CD9: variants seen among roughly 807,000 people sequenced by gnomAD.
CD9 encodes CD9 molecule.
CD9 carries 10 observed loss-of-function variants against 31.4 expected under a neutral mutation model. That is an observed-to-expected ratio of 0.32 (90% CI 0.20 to 0.54). The LOEUF is 0.54. Ranked by LOEUF, CD9 falls within the 20% of genes least tolerant of loss-of-function variation. CD9 has a pLI of 0.94. For synonymous variants in CD9, 113 were observed against 114.1 expected (o/e 0.99, Z 0.06); for missense variants, 259 against 300.1 (o/e 0.86, Z 1.01).
chr12:6,220,402 C>A (rs116587566), intron 1 of CD9, among the ~76,000 whole-genome samples: 140 of 152,240 alleles, frequency 9.2e-4, no homozygotes, highest in African/African-American at 3.3e-3. Context: ...TTAAGACTCA[C>A]CACCCCTTTC....
chr12:6,237,965 T>C lies in CD9; in HGVS notation c.*137T>C. The stretch of plus-strand genomic sequence containing the variant: ...TTAGTATTCATTCTGCATTGCTAGA[T>C]AAAAGCTGAAGTTACTTTATGTTTG... On this transcript the variant is annotated 3_prime_UTR_variant, in exon 8 of 8. Transcript: ENST00000009180. 2 of 595,978 alleles carry C rather than the reference T, an allele frequency of 3.4e-6. No homozygotes were observed. The highest frequency in any genetic ancestry group is 3.0e-6 in the Non-Finnish European group (1 of 330,640). 36.9% of individuals were successfully genotyped at this position (595,978 alleles called of 1,614,324 possible). A position where few individuals can be genotyped will look rare whatever the true frequency, so the allele number is the denominator to read the frequency against.
chr12:6,212,191 G>A (rs1946200530), intron 1 of CD9, among the ~76,000 whole-genome samples: 1 of 152,172 alleles, frequency 6.6e-6, no homozygotes, highest in Non-Finnish European at 1.5e-5. Context: ...CACCGTCAGA[G>A]GAAGAGTGCT....
chr12:6,205,144 C>G (rs560376445), intron 1 of CD9, among the ~76,000 whole-genome samples: 1 of 152,218 alleles, frequency 6.6e-6, no homozygotes, highest in Non-Finnish European at 1.5e-5. Flanking sequence ...ACCTCCAGTG[C>G]CCAGACAGCC....
In CD9 at chr12:6,233,502, G is replaced by A. The variant is rs937809042; in HGVS notation, c.348+16G>A. On this transcript the variant is annotated intron_variant, in intron 4 of 7. Transcript: ENST00000009180. ...CAAGGATGAGGTAGGTTTTTCCCAT[G>A]AGATCTCTTGGGTTTGGGAGTTGGG... 1.2e-6 allele frequency: 2 copies of A among 1,600,322 alleles called. No homozygotes were observed. The highest frequency in any genetic ancestry group is 1.7e-6 in the Non-Finnish European group (2 of 1,167,454).
chr12:6,213,473 A>G (rs1946212438), intron 1 of CD9, among the ~76,000 whole-genome samples: 1 of 152,228 alleles, frequency 6.6e-6, no homozygotes, highest in Non-Finnish European at 1.5e-5. Flanking sequence ...CCATTGGCAG[A>G]GACTCGCTTT....
chr12:6,202,999 C>G (rs965746725), intron 1 of CD9, among the ~76,000 whole-genome samples: 2 of 152,116 alleles, frequency 1.3e-5, no homozygotes, highest in Non-Finnish European at 2.9e-5. Context: ...ATCTGGGTCC[C>G]TGTGGAGATG....
intron 6 of CD9, 51 bp from the exon 7 acceptor site, chr12:6,236,141 C>T (rs772466748): frequency 6.2e-7 from 1 of 1,608,094 alleles, no homozygotes. Context: ...GGAGGAGGTG[C>T]CCTGGGAGGA....
intron 1 of CD9, among the ~76,000 whole-genome samples, chr12:6,207,274 G>A (rs1462657583): frequency 6.6e-6 from 1 of 152,188 alleles, no homozygotes; most frequent in East Asian, 1.9e-4. Context: ...TCTGCCATAA[G>A]AAGCAGGTTG....
Position 6,232,329 on chromosome 12 carries a change from TC to T in CD9, c.176-300del. The T allele has an allele frequency of 2.1e-6, 1 of 466,248 alleles. No individual in the cohort carries two copies. Among genetic ancestry groups the T allele is most frequent in the Admixed American group, 3.6e-5 (1 of 27,880 alleles). 28.9% of individuals were successfully genotyped at this position (466,248 alleles called of 1,614,324 possible). ...CAGTTTGCATTCCGAATGTAGGGAT[TC>T]CCGTGGATATTCTCTGTCCTGGATT... On this transcript the variant is annotated intron_variant, in intron 2 of 7. Transcript: ENST00000009180. The surrounding 1 kb of genome is among the most constrained non-coding windows in gnomAD (Gnocchi z 4.8).
At chr12:6,227,523 C>T (rs372280167) in intron 2 of CD9, among the ~76,000 whole-genome samples, 1 of 152,178 alleles carries the variant, frequency 6.6e-6, no homozygotes, top group African/African-American at 2.4e-5. Flanking sequence ...TTTTGAGCCC[C>T]CTTCTTTGTG....
chr12:6,200,253 G>A (rs1428600157), upstream of CD9: 1 of 202,278 alleles, frequency 4.9e-6, no homozygotes. Context: ...GGGGGCGGGG[G>A]GGGTGCGGCC....
chr12:6,213,608 G>A (rs1946213618), intron 1 of CD9, among the ~76,000 whole-genome samples: 1 of 152,242 alleles, frequency 6.6e-6, no homozygotes, highest in Admixed American at 6.5e-5. Flanking sequence ...CCAAAAGGAA[G>A]TTGATTCTTC....
chr12:6,235,547 C>G lies in CD9; in HGVS notation c.519C>G (p.Leu173=), dbSNP rs371885653. ...ISDICPKKDV[L]ETFTVKSCPD... is the part of the protein sequence containing the mutation. ...ACATCTGCCCCAAGAAGGACGTACTCGAAACCTTCACCGTGAAGGTAAACT... is the reference window on the plus strand; with the variant it reads ...ACATCTGCCCCAAGAAGGACGTACTGGAAACCTTCACCGTGAAGGTAAACT... Residue 173 remains leucine (L), a synonymous_variant, in exon 6 of 8, where the codon CTC becomes CTG. Coordinates refer to ENST00000009180, the MANE Select transcript of CD9 (RefSeq NM_001769.4). 8.2e-5 allele frequency: 132 copies of G among 1,612,966 alleles called. 1 individual carries two copies. Among genetic ancestry groups the G allele is most frequent in the East Asian group, 8.0e-4 (36 of 44,838 alleles).
chr12:6,209,500 T>A (rs908687928), intron 1 of CD9, among the ~76,000 whole-genome samples: 5 of 152,136 alleles, frequency 3.3e-5, no homozygotes, highest in East Asian at 3.9e-4. Context: ...TGTAAACATC[T>A]TCTTTCTCAC....
chr12:6,214,522 A>AT (rs1946223692), intron 1 of CD9, among the ~76,000 whole-genome samples: 1 of 150,910 alleles, frequency 6.6e-6, no homozygotes, highest in Non-Finnish European at 1.5e-5. Context: ...AAGTTTTTGT[A>AT]TTTTTTAGTA....
At chr12:6,221,507 T>C (rs74056875) in intron 1 of CD9, among the ~76,000 whole-genome samples, 1 of 152,194 alleles carries the variant, frequency 6.6e-6, no homozygotes, top group Admixed American at 6.5e-5. Flanking sequence ...ATGGTCAGCA[T>C]GCCGCCATAT....
intron 4 of CD9, among the ~76,000 whole-genome samples, 181 bp from the exon 5 acceptor site, chr12:6,235,048 A>G (rs1384255038): frequency 2.0e-5 from 3 of 152,238 alleles, no homozygotes; most frequent in Admixed American, 2.0e-4. Flanking sequence ...GGAGATGGGA[A>G]GTGCCCAAAG....
At chr12:6,222,261 C>CCG (rs1946301481) in intron 1 of CD9, among the ~76,000 whole-genome samples, 1 of 152,174 alleles carries the variant, frequency 6.6e-6, no homozygotes, top group Admixed American at 6.5e-5. Context: ...GCATCCCCCC[C>CCG]GGCCGGTGAA....
In CD9 at chr12:6,225,591, A is replaced by G. The variant is rs1362475827; in HGVS notation, c.175+57A>G. On this transcript the variant is annotated intron_variant, in intron 2 of 7. Transcript: ENST00000009180. Reference sequence around the variant, plus strand: ...ACCCTGGCTCCAACAAAGTTCCTGCAACTTTGGAGGCCCCATGTTGACCCA... The same window carrying G: ...ACCCTGGCTCCAACAAAGTTCCTGCGACTTTGGAGGCCCCATGTTGACCCA... 16 of 1,124,060 alleles carry G rather than the reference A, an allele frequency of 1.4e-5. No homozygotes were observed. The East Asian group carries it at 3.3e-4, about 23-fold the overall frequency. The allele number at this position is 1,124,060 out of a possible 1,614,324, so 69.6% of individuals were successfully genotyped here. A position where few individuals can be genotyped will look rare whatever the true frequency, so the allele number is the denominator to read the frequency against.
Sources: gnomAD v4.1 joint callset for allele counts (sites outside exome capture counted in the v4.1 genomes callset) on GRCh38, gnomAD v4.1.1 for gene constraint, Gnocchi (gnomAD v3.1) non-coding constraint, MANE v1.5 for transcripts, NCBI Gene and HGNC (gene_info 2026-07-23, HGNC 2026-07-21) for gene names.